The following CFTR variants were observed in gnomAD, a reference collection of about 807,000 sequenced individuals.
CFTR encodes CF transmembrane conductance regulator.
A neutral mutation model predicts 171.6 loss-of-function variants in CFTR; 181 were observed. That is an observed-to-expected ratio of 1.05 (90% CI 0.93 to 1.19). The LOEUF (loss-of-function observed/expected upper bound fraction) is 1.19, where lower values mean the gene tolerates loss of function less well. CFTR is among the 50% of genes most tolerant of loss of function. CFTR has a pLI of 0.00. For missense variants in CFTR, 1,968 were observed against 1,734.7 expected, an observed-to-expected ratio of 1.13 and a Z score of -2.39; for synonymous variants, 583 against 608.0, an observed-to-expected ratio of 0.96 and a Z score of 0.60.
rs1562882794 is a variant in CFTR at position 117,504,382 on chromosome 7, T to C, written c.164+19T>C. 8.5e-7 allele frequency: 1 copy of C among 1,173,938 alleles called. No homozygotes were observed. Among genetic ancestry groups the C allele is most frequent in the East Asian group, 2.3e-5 (1 of 42,668 alleles). The allele number at this position is 1,173,938 out of a possible 1,614,324, so 72.7% of individuals were successfully genotyped here. A position where few individuals can be genotyped will look rare whatever the true frequency, so the allele number is the denominator to read the frequency against. On this transcript the variant is annotated intron_variant, in intron 2 of 26. Coordinates refer to ENST00000003084, the MANE Select transcript of CFTR (RefSeq NM_000492.4). ...TGGAAAGGTATGTTCATGTACATTG[T>C]TTAGTTGAAGAGAGAAATTCATATT...
chr7:117,664,026 C>T (rs1031824149), intron 24 of CFTR, among the ~76,000 whole-genome samples: 1 of 152,140 alleles, frequency 6.6e-6, no homozygotes, highest in African/African-American at 2.4e-5. Flanking sequence ...TTTATATCTC[C>T]TAGTGTTGTA....
At chr7:117,594,561 G>A (rs958648367) in intron 14 of CFTR, among the ~76,000 whole-genome samples, 1 of 152,082 alleles carries the variant, frequency 6.6e-6, no homozygotes, top group Non-Finnish European at 1.5e-5. Context: ...GAAGAAACAG[G>A]TTAAATCAAA....
intron 11 of CFTR, among the ~76,000 whole-genome samples, chr7:117,569,106 A>G (rs549112648): frequency 2.6e-5 from 4 of 152,204 alleles, no homozygotes; most frequent in Non-Finnish European, 5.9e-5. Context: ...ATTCTTCAGT[A>G]TATGGGTTGT....
At chr7:117,637,991 G>C (rs1303151616) in intron 22 of CFTR, among the ~76,000 whole-genome samples, 1 of 152,126 alleles carries the variant, frequency 6.6e-6, no homozygotes, top group Non-Finnish European at 1.5e-5. Context: ...TAAAAGTATA[G>C]AAGTCGGCCA....
At chr7:117,663,578 G>A (rs1793323141) in intron 24 of CFTR, among the ~76,000 whole-genome samples, 2 of 151,030 alleles carry the variant, frequency 1.3e-5, no homozygotes, top group South Asian at 4.2e-4. Flanking sequence ...ATATCAAAGA[G>A]GCTTAAAATC....
chr7:117,491,498 G>C (rs572754794), intron 1 of CFTR, among the ~76,000 whole-genome samples: 1 of 152,048 alleles, frequency 6.6e-6, no homozygotes, highest in East Asian at 1.9e-4. Context: ...CAAGATCAAG[G>C]TGTTGGCAGG....
chr7:117,654,288 A>C (rs780695194), intron 24 of CFTR, among the ~76,000 whole-genome samples: 1 of 152,094 alleles, frequency 6.6e-6, no homozygotes, highest in Non-Finnish European at 1.5e-5. Context: ...CTGGGCCTCT[A>C]CCTGGGCCCT....
At chr7:117,506,770 A>G (rs1477229130) in intron 2 of CFTR, among the ~76,000 whole-genome samples, 1 of 152,196 alleles carries the variant, frequency 6.6e-6, no homozygotes, top group African/African-American at 2.4e-5. Context: ...CAACAATGCT[A>G]TGCCAGTACA....
intron 24 of CFTR, among the ~76,000 whole-genome samples, chr7:117,656,809 T>G (rs1793190330): frequency 6.6e-6 from 1 of 152,170 alleles, no homozygotes; most frequent in Non-Finnish European, 1.5e-5. Flanking sequence ...GCGCTTTTGG[T>G]CCTTTTAGCC....
At chr7:117,539,992 T>C in intron 7 of CFTR, 108 bp from the exon 8 acceptor site, 1 of 944,046 alleles carries the variant, frequency 1.1e-6, no homozygotes, top group East Asian at 2.6e-5. Flanking sequence ...AGGTTAAAAA[T>C]ATAGGCAGAA....
rs770841527 is a variant in CFTR at position 117,587,744 on chromosome 7, C to G, written c.1590C>G (p.Ile530Met). ...TTTTCTATTTTTGGTAATAGGACAT[C>G]TCCAAGTTTGCAGAGAAAGACAATA... ...VIKACQLEED[I>M]SKFAEKDNIV... Residue 530 changes from isoleucine to methionine, a missense_variant, in exon 12 of 27, where the codon ATC becomes ATG. By Grantham distance (10) the Ile-to-Met change is conservative. Coordinates refer to ENST00000003084, the MANE Select transcript of CFTR (RefSeq NM_000492.4). 11 of 1,601,492 alleles carry G rather than the reference C, an allele frequency of 6.9e-6. No individual in the cohort carries two copies. In the East Asian group the frequency reaches 2.5e-4, roughly 36 times the overall value.
At chr7:117,627,348 T>TTGG (rs1441370925) in intron 21 of CFTR, among the ~76,000 whole-genome samples, 174 bp from the exon 22 acceptor site, 1 of 152,144 alleles carries the variant, frequency 6.6e-6, no homozygotes, top group Admixed American at 6.6e-5. Context: ...TCTCTTCAGT[T>TTGG]AAACTTTTAA....
At chr7:117,552,291 G>T (rs565089686) in intron 10 of CFTR, among the ~76,000 whole-genome samples, 3 of 152,042 alleles carry the variant, frequency 2.0e-5, no homozygotes, top group East Asian at 3.9e-4. Flanking sequence ...ACTGTGTCTG[G>T]TCCAATATGC....
Position 117,592,317 on chromosome 7 carries a change from C to A in CFTR, c.2150C>A (p.Thr717Asn), listed in dbSNP as rs767516547. ...SIRKFSIVQK[T>N]PLQMNGIEED... ...CGAAAATTTTCCATTGTGCAAAAGA[C>A]TCCCTTACAAATGAATGGCATCGAA... is the stretch of plus-strand genomic sequence containing the variant. The change falls in exon 14 of 27, where the codon ACT (threonine) becomes AAT (asparagine). Residue 717 changes from threonine to asparagine, a missense_variant. Physicochemically the swap from Thr to Asn is moderately conservative, Grantham distance 65 (BLOSUM62 0). Transcript: ENST00000003084. 1 of 1,613,990 alleles carries A rather than the reference C, an allele frequency of 6.2e-7. No individual in the cohort carries two copies. Among genetic ancestry groups the A allele is most frequent in the Non-Finnish European group, 8.5e-7 (1 of 1,180,014 alleles).
intron 21 of CFTR, chr7:117,616,487 G>A (rs1792492859): frequency 6.6e-6 from 1 of 151,990 alleles, no homozygotes; most frequent in African/African-American, 2.4e-5. Context: ...TTTCACCATG[G>A]GTGTGTACAA....
rs769948218 is a variant in CFTR at position 117,592,105 on chromosome 7, A to T, written c.1938A>T (p.Gly646=). The change falls in exon 14 of 27, where the codon GGA becomes GGT. Residue 646 remains glycine, a synonymous_variant. Transcript: ENST00000003084. ...CAGACTTTAGCTCAAAACTCATGGG[A>T]TGTGATTCTTTCGACCAATTTAGTG... The part of the protein sequence containing the change: ...LQPDFSSKLM[G]CDSFDQFSAE... 2 of 1,614,114 alleles carry T rather than the reference A, an allele frequency of 1.2e-6. No homozygotes were observed. The highest frequency in any genetic ancestry group is 1.7e-6 in the Non-Finnish European group (2 of 1,180,024).
intron 3 of CFTR, among the ~76,000 whole-genome samples, chr7:117,528,369 A>G (rs1375998190): frequency 2.5e-5 from 2 of 81,124 alleles, no homozygotes; most frequent in Non-Finnish European, 5.0e-5. Context: ...TCAATTCAAG[A>G]TGGATTAAAG....
Position 117,590,340 on chromosome 7 carries a change from A to G in CFTR, c.1680-13A>G, listed in dbSNP as rs757981933. The G allele has an allele frequency of 3.7e-6, 6 of 1,600,552 alleles. No individual in the cohort carries two copies. In the Admixed American group the frequency reaches 1.0e-4, roughly 27 times the overall value. On this transcript the variant is annotated splice_polypyrimidine_tract_variant and intron_variant, in intron 12 of 26. Coordinates refer to ENST00000003084, the MANE Select transcript of CFTR (RefSeq NM_000492.4). The stretch of plus-strand genomic sequence containing the variant: ...AGAGAGGAAATGTAATTTAATTTCC[A>G]TTTTCTTTTTAGAGCAGTATACAAA...
In CFTR at chr7:117,592,025, C is replaced by T; in HGVS notation, c.1858C>T (p.His620Tyr). 1 of 1,594,816 alleles carries T rather than the reference C, an allele frequency of 6.3e-7. No homozygotes were observed. Among genetic ancestry groups the T allele is most frequent in the Non-Finnish European group, 8.5e-7 (1 of 1,174,450 alleles). Residue 620 changes from histidine (H) to tyrosine (Y), a missense_variant, in exon 14 of 27, where the codon CAT (histidine) becomes TAT (tyrosine). By Grantham distance (83) the His-to-Tyr change is moderately conservative (BLOSUM62 2). Coordinates refer to ENST00000003084, the MANE Select transcript of CFTR (RefSeq NM_000492.4). ...GAAAGCTGACAAAATATTAATTTTG[C>T]ATGAAGGTAGCAGCTATTTTTATGG... ...LKKADKILIL[H>Y]EGSSYFYGTF...
Sources: gnomAD v4.1 joint callset for allele counts (sites outside exome capture counted in the v4.1 genomes callset) on GRCh38, gnomAD v4.1.1 for gene constraint, MANE v1.5 for transcripts, NCBI Gene and HGNC (gene_info 2026-07-23, HGNC 2026-07-21) for gene names.